Variants in CTNNA3 observed in about 807,000 individuals in gnomAD.
The protein encoded by CTNNA3 is catenin alpha-3.
In CTNNA3, 76 loss-of-function variants were observed where a neutral mutation model predicts 95.7. The observed-to-expected ratio is 0.79, with a 90% CI of 0.66 to 0.96. The LOEUF (loss-of-function observed/expected upper bound fraction) is 0.96. CTNNA3 is among the 40% of genes least tolerant of loss of function. The pLI is 0.00. For synonymous variants in CTNNA3, 431 were observed against 374.4 expected (o/e 1.15, Z -1.74); for missense variants, 1,191 against 1,089.8 (o/e 1.09, Z -1.31).
chr10:67,232,381 T>C (rs1283245773), intron 5 of CTNNA3, among the ~76,000 whole-genome samples: 2 of 152,094 alleles, frequency 1.3e-5, no homozygotes, highest in East Asian at 3.9e-4. Flanking sequence ...AAAAGAATTT[T>C]CAACCCAGAA....
chr10:66,982,238 G>T (rs919719489), intron 7 of CTNNA3, among the ~76,000 whole-genome samples: 1 of 152,168 alleles, frequency 6.6e-6, no homozygotes. Flanking sequence ...GCTAGATTTT[G>T]CTAGTTAAGC....
chr10:66,825,541 G>C (rs1427386256), intron 7 of CTNNA3, among the ~76,000 whole-genome samples: 2 of 152,022 alleles, frequency 1.3e-5, no homozygotes, highest in East Asian at 1.9e-4. Context: ...GCCTCCCAAA[G>C]TGCTGAGACT....
At chr10:67,414,464 C>T (rs1589267451) in intron 5 of CTNNA3, among the ~76,000 whole-genome samples, 1 of 152,052 alleles carries the variant, frequency 6.6e-6, no homozygotes, top group Middle Eastern at 3.4e-3. Context: ...CAAAAAAAGC[C>T]CTGGACCAAG....
chr10:66,612,173 T>C (rs868406450), intron 10 of CTNNA3, among the ~76,000 whole-genome samples: 1 of 152,162 alleles, frequency 6.6e-6, no homozygotes, highest in African/African-American at 2.4e-5. Context: ...TTCTGATCAA[T>C]TTATATTGTC....
intron 10 of CTNNA3, among the ~76,000 whole-genome samples, chr10:66,544,153 GC>G (rs1250089936): frequency 6.6e-6 from 1 of 151,566 alleles, no homozygotes; most frequent in Non-Finnish European, 1.5e-5. Flanking sequence ...GTCCCCTTTG[GC>G]ATTAAATATT....
intron 5 of CTNNA3, among the ~76,000 whole-genome samples, chr10:67,364,989 A>G (rs1342123772): frequency 1.3e-5 from 2 of 152,206 alleles, no homozygotes; most frequent in African/African-American, 4.8e-5. Context: ...ACAAGGCTAC[A>G]GTAACCAAAA....
intron 11 of CTNNA3, among the ~76,000 whole-genome samples, chr10:66,510,709 A>G (rs1285750312): frequency 6.6e-6 from 1 of 151,884 alleles, no homozygotes; most frequent in Non-Finnish European, 1.5e-5. Flanking sequence ...ATTTGCATAT[A>G]TTGAACTATC....
intron 16 of CTNNA3, among the ~76,000 whole-genome samples, chr10:65,973,375 G>T (rs1224952881): frequency 6.6e-6 from 1 of 152,096 alleles, no homozygotes; most frequent in Non-Finnish European, 1.5e-5. Flanking sequence ...AAGAGCTTCT[G>T]CATAGCAACA....
intron 2 of CTNNA3, among the ~76,000 whole-genome samples, chr10:67,633,686 C>T (rs1450801593): frequency 6.6e-6 from 1 of 152,072 alleles, no homozygotes; most frequent in Non-Finnish European, 1.5e-5. Flanking sequence ...CAGAAAACAA[C>T]ACAACACCAA....
chr10:67,697,809 T>C (rs1840996108), upstream of CTNNA3, among the ~76,000 whole-genome samples: 1 of 152,142 alleles, frequency 6.6e-6, no homozygotes, highest in South Asian at 2.1e-4. Flanking sequence ...TTAGCTGAAG[T>C]ATTTCCCACT....
intron 17 of CTNNA3, among the ~76,000 whole-genome samples, 190 bp downstream of exon 17, chr10:65,966,422 A>C (rs1057083286): frequency 6.6e-6 from 1 of 152,210 alleles, no homozygotes; most frequent in Non-Finnish European, 1.5e-5. Flanking sequence ...AACATTTTTA[A>C]CCTTTCTTTA....
chr10:67,727,858 T>C (rs1219795113), intron 1 of CTNNA3, among the ~76,000 whole-genome samples: 2 of 130,682 alleles, frequency 1.5e-5, no homozygotes, highest in East Asian at 2.0e-4. Context: ...TCATATATTA[T>C]ATTATGTATA....
rs184210734 is a variant in CTNNA3 at position 66,288,251 on chromosome 10, T to C, written c.1733-7630A>G. On this transcript the variant is annotated intron_variant, in intron 12 of 17. Transcript: ENST00000433211. The stretch of plus-strand genomic sequence containing the variant: ...GATAAAGGAATAAGAAGACTTGTTA[T>C]ATACAAGGAATCTTAAGAGTAAGGT... Among the ~76,000 whole-genome samples, 305 of 152,196 alleles carry C rather than the reference T, an allele frequency of 2.0e-3. 3 individuals are homozygous for C. Among genetic ancestry groups the C allele is most frequent in the African/African-American group, 7.1e-3 (293 of 41,556 alleles).
intron 2 of CTNNA3, among the ~76,000 whole-genome samples, chr10:67,625,195 T>C (rs757528407): frequency 1.1e-4 from 16 of 152,142 alleles, no homozygotes; most frequent in Non-Finnish European, 1.9e-4. Context: ...AAATAAGAAA[T>C]CCCATCCATA....
chr10:67,078,434 A>C (rs1348946990), intron 7 of CTNNA3, among the ~76,000 whole-genome samples: 2 of 152,218 alleles, frequency 1.3e-5, no homozygotes, highest in Non-Finnish European at 2.9e-5. Flanking sequence ...AGGGACCAAC[A>C]AAATGTTACT....
At chr10:66,466,339 T>C (rs71493977) in intron 11 of CTNNA3, among the ~76,000 whole-genome samples, 18 of 141,846 alleles carry the variant, frequency 1.3e-4, no homozygotes, top group East Asian at 4.4e-4. Flanking sequence ...CACCCACCTA[T>C]ACACACACAC....
intron 5 of CTNNA3, among the ~76,000 whole-genome samples, chr10:67,286,860 CAACTT>C (rs2132456679): frequency 6.6e-6 from 1 of 152,280 alleles, no homozygotes; most frequent in East Asian, 1.9e-4. Flanking sequence ...CTAGCTGTCT[CAACTT>C]AAGGCATTTC....
At chr10:66,751,528 T>C (rs1839140378) in intron 9 of CTNNA3, among the ~76,000 whole-genome samples, 1 of 152,202 alleles carries the variant, frequency 6.6e-6, no homozygotes, top group South Asian at 2.1e-4. Flanking sequence ...CATTGGATTG[T>C]CCCAATAAAT....
chr10:66,775,281 ATTTGAGG>A (rs1840247120), intron 8 of CTNNA3, among the ~76,000 whole-genome samples, 156 bp downstream of exon 8: 1 of 152,192 alleles, frequency 6.6e-6, no homozygotes, highest in Non-Finnish European at 1.5e-5. Context: ...CACAAAAAAC[ATTTGAGG>A]TATGAATATA....
Sources: allele counts gnomAD v4.1 joint callset (sites outside exome capture counted in the v4.1 genomes callset), GRCh38; gene constraint gnomAD v4.1.1; transcripts MANE v1.5; gene names NCBI Gene and HGNC (gene_info 2026-07-23, HGNC 2026-07-21).